The following FRMD4B variants were observed in gnomAD, a reference collection of about 807,000 sequenced individuals.
FRMD4B encodes FERM domain containing 4B.
FRMD4B carries 74 observed loss-of-function variants against 141.5 expected under a neutral mutation model. The ratio of observed to expected loss-of-function variants is 0.52; its 90% confidence interval spans 0.43 to 0.63. FRMD4B has a LOEUF of 0.63. FRMD4B is among the 30% of genes least tolerant of loss of function. FRMD4B has a pLI of 0.00. For missense variants in FRMD4B, 1,366 were observed against 1,253.4 expected, an observed-to-expected ratio of 1.09 and a Z score of -1.36; for synonymous variants, 506 against 467.9, an observed-to-expected ratio of 1.08 and a Z score of -1.05.
chr3:69,349,795 C>T (rs1575755586), intron 1 of FRMD4B, among the ~76,000 whole-genome samples: 1 of 152,168 alleles, frequency 6.6e-6, no homozygotes, highest in Non-Finnish European at 1.5e-5. Flanking sequence ...AATTGGATCC[C>T]TTCCTTACAC....
At chr3:69,483,795 T>A (rs988354995) in intron 1 of FRMD4B, among the ~76,000 whole-genome samples, 2 of 152,204 alleles carry the variant, frequency 1.3e-5, no homozygotes, top group Admixed American at 1.3e-4. Flanking sequence ...AAGACTTAAT[T>A]TCCATTACGA....
intron 1 of FRMD4B, among the ~76,000 whole-genome samples, chr3:69,487,744 G>T (rs1461149876): frequency 6.6e-6 from 1 of 152,190 alleles, no homozygotes; most frequent in Non-Finnish European, 1.5e-5. Context: ...TGAGGCAGTT[G>T]GAGTGCTAGC....
At chr3:69,248,145 G>GT (rs576660380) in intron 7 of FRMD4B, among the ~76,000 whole-genome samples, 2,105 of 146,220 alleles carry the variant, frequency 0.014, 36 homozygotes, top group African/African-American at 0.045. Context: ...TTATACTCTT[G>GT]TTTTTTTTTT....
intron 1 of FRMD4B, chr3:69,536,727 G>C: frequency 1.6e-6 from 1 of 631,324 alleles, no homozygotes; most frequent in Non-Finnish European, 2.9e-6. Flanking sequence ...TTATGGTAAG[G>C]ACTTCCTCAG....
At chr3:69,330,340 C>CTTTTTTTTT (rs34238889) in intron 1 of FRMD4B, among the ~76,000 whole-genome samples, 7 of 42,926 alleles carry the variant, frequency 1.6e-4, no homozygotes, top group African/African-American at 3.6e-4. Flanking sequence ...ATTCTTTTGC[C>CTTTTTTTTT]TTTTTTTTTT....
chr3:69,199,333 G>A (rs1262550856), intron 11 of FRMD4B: 2 of 152,474 alleles, frequency 1.3e-5, no homozygotes, highest in Non-Finnish European at 2.9e-5. Context: ...AACCATCTGT[G>A]GAAGAACATG....
At chr3:69,493,804 A>C (rs1234376227) in intron 1 of FRMD4B, among the ~76,000 whole-genome samples, 1 of 152,182 alleles carries the variant, frequency 6.6e-6, no homozygotes. Flanking sequence ...ATTGGTTCTC[A>C]TAAAAACTGC....
chr3:69,532,660 GTAT>G (rs1701022286), intron 1 of FRMD4B, among the ~76,000 whole-genome samples: 1 of 152,182 alleles, frequency 6.6e-6, no homozygotes, highest in South Asian at 2.1e-4. Context: ...CTCGGGTTGA[GTAT>G]TACACTTGGA....
At chr3:69,256,913 T>C (rs1434880981) in intron 5 of FRMD4B, among the ~76,000 whole-genome samples, 1 of 152,232 alleles carries the variant, frequency 6.6e-6, no homozygotes, top group Non-Finnish European at 1.5e-5. Context: ...TGCCCATTCA[T>C]TCTTCTAGAT....
At chr3:69,400,106 C>G (rs1039695416) in intron 2 of FRMD4B, among the ~76,000 whole-genome samples, 3 of 152,114 alleles carry the variant, frequency 2.0e-5, no homozygotes, top group Admixed American at 2.0e-4. Flanking sequence ...AAAATTGAGG[C>G]TGGGCATGGT....
intron 22 of FRMD4B, among the ~76,000 whole-genome samples, chr3:69,175,234 A>G (rs2092631393): frequency 6.6e-6 from 1 of 152,226 alleles, no homozygotes; most frequent in Admixed American, 6.5e-5. Flanking sequence ...TATGACTTAA[A>G]TCAAAACTAC....
At chr3:69,492,123 C>G (rs1399508963) in intron 1 of FRMD4B, among the ~76,000 whole-genome samples, 2 of 152,206 alleles carry the variant, frequency 1.3e-5, no homozygotes, top group African/African-American at 4.8e-5. Flanking sequence ...CCTCTCATCT[C>G]TGTTTTCTAT....
At chr3:69,485,554 A>T (rs1575587493) in intron 1 of FRMD4B, among the ~76,000 whole-genome samples, 1 of 152,182 alleles carries the variant, frequency 6.6e-6, no homozygotes, top group South Asian at 2.1e-4. Flanking sequence ...TGCAGATGCA[A>T]CTGGGGAGCT....
intron 5 of FRMD4B, among the ~76,000 whole-genome samples, chr3:69,281,542 C>T (rs2093644434): frequency 6.6e-6 from 1 of 151,932 alleles, no homozygotes; most frequent in Non-Finnish European, 1.5e-5. Context: ...TAAAATTTTG[C>T]TTGTTGGGTG....
At chr3:69,271,061 A>T (rs7630826) in intron 5 of FRMD4B, among the ~76,000 whole-genome samples, 103,009 of 152,076 alleles carry the variant, frequency 0.68, 35,784 homozygotes, top group Non-Finnish European at 0.77. Flanking sequence ...TTTTTATATG[A>T]CTTTTTTTGA....
At chr3:69,455,291 C>T (rs555995265) in intron 1 of FRMD4B, among the ~76,000 whole-genome samples, 21 of 152,358 alleles carry the variant, frequency 1.4e-4, no homozygotes, top group African/African-American at 4.8e-4. Flanking sequence ...GGTCTGTTTA[C>T]ATAATGTGGG....
chr3:69,363,941 C>T (rs1202675597), intron 1 of FRMD4B, among the ~76,000 whole-genome samples: 4 of 152,162 alleles, frequency 2.6e-5, no homozygotes, highest in African/African-American at 9.7e-5. Flanking sequence ...CCATTTACTC[C>T]AGGTGCCACA....
rs142313714 is a variant in FRMD4B, at chr3:69,340,803, T to C, written c.163-27286A>G. On this transcript the variant is annotated intron_variant, in intron 1 of 22. Coordinates refer to ENST00000398540, the MANE Select transcript of FRMD4B (RefSeq NM_015123.3). ...TTCTTTGTTGCATCACTTTTCACTATTGTGATTAAATACTGATGTACTTTG... is the reference window on the plus strand; with the variant it reads ...TTCTTTGTTGCATCACTTTTCACTACTGTGATTAAATACTGATGTACTTTG... 4.2e-3 allele frequency among the ~76,000 whole-genome samples: 641 copies of C among 152,318 alleles called. 4 individuals are homozygous for C. Among genetic ancestry groups the C allele is most frequent in the African/African-American group, 0.014 (573 of 41,564 alleles).
intron 7 of FRMD4B, among the ~76,000 whole-genome samples, chr3:69,243,104 C>T (rs1030553835): frequency 6.6e-6 from 1 of 151,404 alleles, no homozygotes; most frequent in African/African-American, 2.4e-5. Flanking sequence ...CTCTGTTTGT[C>T]TGTGTTGTGT....
Sources: allele counts gnomAD v4.1 joint callset (sites outside exome capture counted in the v4.1 genomes callset), GRCh38; gene constraint gnomAD v4.1.1; transcripts MANE v1.5; gene names NCBI Gene and HGNC (gene_info 2026-07-23, HGNC 2026-07-21).